LY6L: variants seen among roughly 807,000 people sequenced by gnomAD.
The protein encoded by LY6L is lymphocyte antigen 6 family member L.
Under a neutral mutation model 8.3 loss-of-function variants are expected in LY6L, and 8 were observed. The observed-to-expected ratio is 0.97, with a 90% CI of 0.57 to 1.74. LY6L has a LOEUF of 1.74. LY6L is among the 40% of genes most tolerant of loss of function. The probability of loss-of-function intolerance (pLI) is 0.00; values close to 1 mark genes in which losing one functional copy is unlikely to be tolerated. For synonymous variants in LY6L, 79 were observed against 77.9 expected, an observed-to-expected ratio of 1.01 and a Z score of -0.07; for missense variants, 156 against 183.8, an observed-to-expected ratio of 0.85 and a Z score of 0.87.
rs545273965 is a variant in LY6L, at chr8:143,082,485, T to A, written c.251T>A (p.Met84Lys). 6.8e-5 allele frequency: 104 copies of A among 1,535,348 alleles called. No individual in the cohort carries two copies. The highest frequency in any genetic ancestry group is 8.6e-5 in the Non-Finnish European group (99 of 1,146,708). ...GCTCCCAGATGTCCCAACGACAACA[T>A]GAAGTTCGAATGGTCGCCGGCCCCC... ...RCAPRCPNDN[M>K]KFEWSPAPMV... is the part of the protein sequence containing the mutation. Residue 84 changes from methionine (M) to lysine (K), a missense_variant, in exon 4 of 4, where the codon ATG becomes AAG. Transcript: ENST00000562505.
At chr8:143,080,690 G>A (rs1820410537) in intron 1 of LY6L, 31 bp downstream of exon 1, 3 of 233,902 alleles carry the variant, frequency 1.3e-5, no homozygotes, top group African/African-American at 2.3e-5. Flanking sequence ...ACTGTGGGCC[G>A]GGGGCTGGGA....
chr8:143,082,406 C>T lies in LY6L; in HGVS notation c.191-19C>T, dbSNP rs559553995. The T allele has an allele frequency of 6.6e-7, 1 of 1,512,832 alleles. No individual in the cohort carries two copies. Among genetic ancestry groups the T allele is most frequent in the Non-Finnish European group, 8.9e-7 (1 of 1,127,506 alleles). 93.7% of individuals were successfully genotyped at this position (1,512,832 alleles called of 1,614,324 possible). On this transcript the variant is annotated intron_variant, in intron 3 of 3. Transcript: ENST00000562505. Reference sequence around the variant, plus strand: ...CTTGCTGGGGCTCTGGGGCCACCTGCCTCTCCTCTTTTCTGCAGAATGGAG... The same window carrying T: ...CTTGCTGGGGCTCTGGGGCCACCTGTCTCTCCTCTTTTCTGCAGAATGGAG...
chr8:143,082,402 C>T, intron 3 of LY6L, 23 bp from the exon 4 acceptor site: 2 of 1,509,164 alleles, frequency 1.3e-6, no homozygotes, highest in Non-Finnish European at 1.8e-6. Context: ...TCTGGGGCCA[C>T]CTGCCTCTCC....
rs950993201 is a variant in LY6L, at chr8:143,081,031, C to T, written c.-18-5C>T. 34 of 1,527,090 alleles carry T rather than the reference C, an allele frequency of 2.2e-5. No individual in the cohort carries two copies. The highest frequency in any genetic ancestry group is 2.7e-5 in the Non-Finnish European group (31 of 1,140,204). The allele number at this position is 1,527,090 out of a possible 1,614,324, so 94.6% of individuals were successfully genotyped here. On this transcript the variant is annotated splice_polypyrimidine_tract_variant and splice_region_variant and intron_variant, in intron 1 of 3. Coordinates refer to ENST00000562505, the MANE Select transcript of LY6L (RefSeq NM_001368160.2). The stretch of plus-strand genomic sequence containing the variant: ...CTCCCGCAACACCCACCTCACCCCA[C>T]TCAGGCTGAGCCTTCTGGCGTCATG...
chr8:143,081,028 C>A lies in LY6L; in HGVS notation c.-18-8C>A. On this transcript the variant is annotated splice_polypyrimidine_tract_variant and splice_region_variant and intron_variant, in intron 1 of 3. Transcript: ENST00000562505. ...AGCCTCCCGCAACACCCACCTCACC[C>A]CACTCAGGCTGAGCCTTCTGGCGTC... 1 of 1,525,128 alleles carries A rather than the reference C, an allele frequency of 6.6e-7. No homozygotes were observed. Among genetic ancestry groups the A allele is most frequent in the Non-Finnish European group, 8.8e-7 (1 of 1,138,494 alleles). The allele number at this position is 1,525,128 out of a possible 1,614,324, so 94.5% of individuals were successfully genotyped here. A position where few individuals can be genotyped will look rare whatever the true frequency, so the allele number is the denominator to read the frequency against.
rs1820425598 is a variant in LY6L, at chr8:143,081,302, C to G, written c.165C>G (p.Ile55Met). Residue 55 changes from isoleucine to methionine, a missense_variant, in exon 3 of 4, where the codon ATC becomes ATG. Ile to Met is a conservative substitution (Grantham distance 10). Transcript: ENST00000562505. ...TWCSPLDQVC[I>M]SNEVVVSFKW... is the part of the protein sequence containing the mutation. Reference sequence around the variant, plus strand: ...GCAGCCCGCTGGACCAAGTCTGCATCTCCAACGAGGTGGTCGTCTCTTTTA... The same window carrying G: ...GCAGCCCGCTGGACCAAGTCTGCATGTCCAACGAGGTGGTCGTCTCTTTTA... The G allele has an allele frequency of 6.5e-7, 1 of 1,531,612 alleles. No homozygotes were observed. Among genetic ancestry groups the G allele is most frequent in the Non-Finnish European group, 8.7e-7 (1 of 1,144,176 alleles). The allele number at this position is 1,531,612 out of a possible 1,614,324, so 94.9% of individuals were successfully genotyped here.
rs540402827 is a variant in LY6L at position 143,083,216 on chromosome 8, C to T, written c.*565C>T. Among the ~76,000 whole-genome samples the T allele has an allele frequency of 9.9e-5, 15 of 152,088 alleles. No individual in the cohort carries two copies. Among genetic ancestry groups the T allele is most frequent in the East Asian group, 3.9e-4 (2 of 5,176 alleles). The stretch of plus-strand genomic sequence containing the variant: ...TCCGGTGTTGGGTGATGGGGAAGGA[C>T]GGTGCCTCTGGTGTTGGTGGTGGGA... On this transcript the variant is annotated 3_prime_UTR_variant, in exon 4 of 4. Transcript: ENST00000562505.
chr8:143,082,562 A>G lies in LY6L; in HGVS notation c.328A>G (p.Arg110Gly). ...CTGCTGTTCCTGGGCTCTCTGCAACAGGGCACTGACCCCACAGGAGGGGCG... is the reference window on the plus strand; with the variant it reads ...CTGCTGTTCCTGGGCTCTCTGCAACGGGGCACTGACCCCACAGGAGGGGCG... ...RRCCSWALCN[R>G]ALTPQEGRWA... Residue 110 changes from arginine (R) to glycine (G), a missense_variant, in exon 4 of 4, where the codon AGG becomes GGG. Physicochemically the swap from Arg to Gly is moderately radical, Grantham distance 125. Coordinates refer to ENST00000562505, the MANE Select transcript of LY6L (RefSeq NM_001368160.2). The G allele has an allele frequency of 1.3e-6, 2 of 1,535,208 alleles. No homozygotes were observed. The highest frequency in any genetic ancestry group is 1.7e-6 in the Non-Finnish European group (2 of 1,146,486).
At position 143,082,944 on chromosome 8, in the gene LY6L, A is replaced by G; in HGVS notation, c.*293A>G. The G allele has an allele frequency of 5.0e-6, 2 of 397,636 alleles. No homozygotes were observed. The highest frequency in any genetic ancestry group is 9.1e-6 in the Non-Finnish European group (2 of 218,764). The allele number at this position is 397,636 out of a possible 1,614,324, so 24.6% of individuals were successfully genotyped here. ...GCCTCTGATGTGGGTGATGGGAAGG[A>G]CGGTGCCTCTGGTGTGGGTGATGGG... On this transcript the variant is annotated 3_prime_UTR_variant, in exon 4 of 4. Coordinates refer to ENST00000562505, the MANE Select transcript of LY6L (RefSeq NM_001368160.2).
intron 3 of LY6L, 57 bp from the exon 4 acceptor site, chr8:143,082,368 C>T: frequency 7.8e-7 from 1 of 1,279,752 alleles, no homozygotes; most frequent in Non-Finnish European, 1.1e-6. Context: ...TTCCGCATAA[C>T]TGTGGATACC....
chr8:143,082,323 G>A (rs1820444099), intron 3 of LY6L, 102 bp from the exon 4 acceptor site: 5 of 824,840 alleles, frequency 6.1e-6, no homozygotes, highest in Admixed American at 2.3e-5. Flanking sequence ...GCTCTTTCTG[G>A]TCCCGGCTGC....
rs1323319950 is a variant in LY6L at position 143,082,854 on chromosome 8, G to A, written c.*203G>A. The stretch of plus-strand genomic sequence containing the variant: ...GGGCCCCTTTGCTGGAGAACCCCAA[G>A]GATTCAGCAACTGCTCCTCCTGGGG... On this transcript the variant is annotated 3_prime_UTR_variant, in exon 4 of 4. Transcript: ENST00000562505. The A allele has an allele frequency of 5.7e-6, 3 of 524,736 alleles. No individual in the cohort carries two copies. The East Asian group carries it at 9.2e-5, about 16-fold the overall frequency. 32.5% of individuals were successfully genotyped at this position (524,736 alleles called of 1,614,324 possible).
At position 143,081,307 on chromosome 8, in the gene LY6L, ACGAGGTG is replaced by A; in HGVS notation, c.171_177del (p.Asn57LysfsTer26). 2 of 1,530,932 alleles carry A rather than the reference ACGAGGTG, an allele frequency of 1.3e-6. No individual in the cohort carries two copies. Among genetic ancestry groups the A allele is most frequent in the Non-Finnish European group, 1.7e-6 (2 of 1,143,710 alleles). The allele number at this position is 1,530,932 out of a possible 1,614,324, so 94.8% of individuals were successfully genotyped here. ...CCGCTGGACCAAGTCTGCATCTCCAACGAGGTGGTCGTCTCTTTTAGTGAGTCCCCCC... is the reference window on the plus strand; with the variant it reads ...CCGCTGGACCAAGTCTGCATCTCCAAGTCGTCTCTTTTAGTGAGTCCCCCC... On this transcript the variant is annotated frameshift_variant, in exon 3 of 4. Transcript: ENST00000562505. LOFTEE classifies it low-confidence loss of function (END_TRUNC).
Position 143,081,049 on chromosome 8 carries a change from G to A in LY6L, c.-5G>A. The A allele has an allele frequency of 6.5e-7, 1 of 1,533,330 alleles. No individual in the cohort carries two copies. The highest frequency in any genetic ancestry group is 8.7e-7 in the Non-Finnish European group (1 of 1,145,116). 95.0% of individuals were successfully genotyped at this position (1,533,330 alleles called of 1,614,324 possible). A position where few individuals can be genotyped will look rare whatever the true frequency, so the allele number is the denominator to read the frequency against. On this transcript the variant is annotated 5_prime_UTR_variant, in exon 2 of 4. Coordinates refer to ENST00000562505, the MANE Select transcript of LY6L (RefSeq NM_001368160.2). The stretch of plus-strand genomic sequence containing the variant: ...CACCCCACTCAGGCTGAGCCTTCTG[G>A]CGTCATGGAGAGGCTCGTCCTAACC...
Position 143,081,150 on chromosome 8 carries a change from T to A in LY6L, c.73+24T>A, listed in dbSNP as rs1346893476. 2.6e-6 allele frequency: 4 copies of A among 1,532,796 alleles called. No individual in the cohort carries two copies. The Admixed American group carries it at 7.9e-5, about 30-fold the overall frequency. 94.9% of individuals were successfully genotyped at this position (1,532,796 alleles called of 1,614,324 possible). ...AGGTAAGGCGCGGCCCGGGCTGGGC[T>A]GGGGGCGTCGGGGCTGGAGCTGCGG... is the stretch of plus-strand genomic sequence containing the variant. On this transcript the variant is annotated intron_variant, in intron 2 of 3. Transcript: ENST00000562505.
Position 143,082,715 on chromosome 8 carries a change from C to T in LY6L, c.*64C>T. ...CATCCCGTCTCCTGCCTCCAACTGC[C>T]ATCCTGCCTCCGCCCCTTCCAGGAC... On this transcript the variant is annotated 3_prime_UTR_variant, in exon 4 of 4. Transcript: ENST00000562505. 7.8e-7 allele frequency: 1 copy of T among 1,280,158 alleles called. No homozygotes were observed. The highest frequency in any genetic ancestry group is 1.0e-6 in the Non-Finnish European group (1 of 960,452). The allele number at this position is 1,280,158 out of a possible 1,614,324, so 79.3% of individuals were successfully genotyped here. A position where few individuals can be genotyped will look rare whatever the true frequency, so the allele number is the denominator to read the frequency against.
chr8:143,082,243 G>A (rs966302037), intron 3 of LY6L, among the ~76,000 whole-genome samples, 182 bp from the exon 4 acceptor site: 7 of 152,244 alleles, frequency 4.6e-5, no homozygotes, highest in Non-Finnish European at 8.8e-5. Flanking sequence ...GCTCTGCAGC[G>A]CCTCACCCAG....
At position 143,080,770 on chromosome 8, in the gene LY6L, G is replaced by A. The variant is rs1586643548; in HGVS notation, c.-19+111G>A. 2.0e-5 allele frequency: 9 copies of A among 457,214 alleles called. No homozygotes were observed. In the East Asian group the frequency reaches 3.2e-4, roughly 16 times the overall value. The allele number at this position is 457,214 out of a possible 1,614,324, so 28.3% of individuals were successfully genotyped here. A position where few individuals can be genotyped will look rare whatever the true frequency, so the allele number is the denominator to read the frequency against. ...TTGGAAGGGGGACCAAAGGCAGAGG[G>A]CCCAGGGAGAGGGAATGCGGGGAAG... On this transcript the variant is annotated intron_variant, in intron 1 of 3. Transcript: ENST00000562505.
In LY6L at chr8:143,083,374, C is replaced by T. The variant is rs1470485020; in HGVS notation, c.*723C>T. Among the ~76,000 whole-genome samples, 1 of 152,160 alleles carries T rather than the reference C, an allele frequency of 6.6e-6. No homozygotes were observed. Among genetic ancestry groups the T allele is most frequent in the Non-Finnish European group, 1.5e-5 (1 of 68,022 alleles). ...GGCTCCCACTCTGCCTTCCCATTTC[C>T]AGCCCCCTCTGCCCAAGGGAAACCC... On this transcript the variant is annotated 3_prime_UTR_variant, in exon 4 of 4. Coordinates refer to ENST00000562505, the MANE Select transcript of LY6L (RefSeq NM_001368160.2).
Sources: allele counts gnomAD v4.1 joint callset (sites outside exome capture counted in the v4.1 genomes callset), GRCh38; gene constraint gnomAD v4.1.1; transcripts MANE v1.5; gene names NCBI Gene and HGNC (gene_info 2026-07-23, HGNC 2026-07-21).